ADGRL3: variants seen among roughly 807,000 people sequenced by gnomAD.
The protein encoded by ADGRL3 is adhesion G protein-coupled receptor L3, also known as calcium-independent alpha-latrotoxin receptor 3.
A neutral mutation model predicts 153.5 loss-of-function variants in ADGRL3; 62 were observed. That is an observed-to-expected ratio of 0.40 (90% CI 0.33 to 0.50). ADGRL3 has a LOEUF of 0.50. Ranked by LOEUF, ADGRL3 falls within the 20% of genes least tolerant of loss-of-function variation. The pLI, the probability that ADGRL3 is intolerant of heterozygous loss-of-function variation, is 0.47. For missense variants in ADGRL3, 1,641 were observed against 1,859.4 expected, an observed-to-expected ratio of 0.88 and a Z score of 2.16; for synonymous variants, 710 against 672.5, an observed-to-expected ratio of 1.06 and a Z score of -0.86.
intron 21 of ADGRL3, among the ~76,000 whole-genome samples, chr4:62,025,920 T>C (rs911345243): frequency 6.6e-6 from 1 of 152,142 alleles, no homozygotes. Context: ...GTGGATCTGC[T>C]TTTTCAAATT....
intron 13 of ADGRL3, 82 bp from the exon 14 acceptor site, chr4:61,934,758 G>T (rs2098831240): frequency 1.2e-5 from 13 of 1,064,008 alleles, no homozygotes; most frequent in Admixed American, 2.0e-5. Context: ...ATCCTTGCTT[G>T]CTGGGCAACA....
At chr4:61,705,751 C>T (rs1179007324) in intron 6 of ADGRL3, among the ~76,000 whole-genome samples, 1 of 152,198 alleles carries the variant, frequency 6.6e-6, no homozygotes, top group African/African-American at 2.4e-5. Context: ...CGCGCTCCCT[C>T]CTTGGCCACC....
chr4:61,230,965 C>G (rs1750372358), intron 1 of ADGRL3, among the ~76,000 whole-genome samples: 1 of 152,178 alleles, frequency 6.6e-6, no homozygotes, highest in African/African-American at 2.4e-5. Flanking sequence ...GTGCAAGCAT[C>G]TAGTCCAAGC....
chr4:61,347,098 G>T (rs2095932411), intron 1 of ADGRL3, among the ~76,000 whole-genome samples: 1 of 151,980 alleles, frequency 6.6e-6, no homozygotes, highest in African/African-American at 2.4e-5. Context: ...AACTTTCCTA[G>T]CACCTTAAAT....
At chr4:61,938,109 A>T (rs192310484) in intron 15 of ADGRL3, among the ~76,000 whole-genome samples, 87 of 152,204 alleles carry the variant, frequency 5.7e-4, no homozygotes, top group Non-Finnish European at 1.0e-3. Flanking sequence ...TTTGGAGCAG[A>T]GAATATGAAA....
rs34246405 is a variant in ADGRL3 at position 61,947,020 on chromosome 4, T to C, written c.2526T>C (p.Ser842=). 206 of 1,613,824 alleles carry C rather than the reference T, an allele frequency of 1.3e-4. No individual in the cohort carries two copies. The African/African-American group carries it at 2.3e-3, about 18-fold the overall frequency. Residue 842 remains serine (S), a synonymous_variant, in exon 16 of 27, where the codon TCT becomes TCC. Coordinates refer to ENST00000683033, the MANE Select transcript of ADGRL3 (RefSeq NM_001387552.1). ...LGTEALSTNH[S]VIVNSPVITA... is the part of the protein sequence containing the mutation. Reference sequence around the variant, plus strand: ...CGGAAGCTTTGTCCACAAATCATTCTGTTATTGTCAATTCCCCTGTTATTA... The same window carrying C: ...CGGAAGCTTTGTCCACAAATCATTCCGTTATTGTCAATTCCCCTGTTATTA...
At chr4:61,312,190 G>A (rs1356210224) in intron 1 of ADGRL3, among the ~76,000 whole-genome samples, 1 of 152,042 alleles carries the variant, frequency 6.6e-6, no homozygotes, top group Non-Finnish European at 1.5e-5. Flanking sequence ...TTTAACAGCT[G>A]GTGCTGCAAT....
chr4:61,675,632 G>T (rs2095162218), intron 5 of ADGRL3, among the ~76,000 whole-genome samples: 2 of 91,070 alleles, frequency 2.2e-5, no homozygotes, highest in African/African-American at 3.5e-5. Context: ...TTTTTCCTAT[G>T]GCTTAGAAAG....
chr4:61,418,519 C>CT (rs201919197), intron 2 of ADGRL3, among the ~76,000 whole-genome samples: 1,468 of 146,490 alleles, frequency 0.01, 19 homozygotes, highest in Middle Eastern at 0.017. Context: ...GTGCCTTTGT[C>CT]TTTTTGCAGT....
intron 5 of ADGRL3, among the ~76,000 whole-genome samples, chr4:61,655,399 T>C (rs1231861663): frequency 6.6e-6 from 1 of 152,152 alleles, no homozygotes; most frequent in Non-Finnish European, 1.5e-5. Flanking sequence ...AAAGTATATA[T>C]ATAAATTTTT....
chr4:62,070,676 G>A lies in ADGRL3; in HGVS notation c.4400G>A (p.Ser1467Asn). Residue 1467 changes from serine (S) to asparagine (N), a missense_variant, in exon 27 of 27, where the codon AGT becomes AAT. Physicochemically the swap from Ser to Asn is conservative, Grantham distance 46. Coordinates refer to ENST00000683033, the MANE Select transcript of ADGRL3 (RefSeq NM_001387552.1). ...CTGGCTGGTGTGGCCGCCACAGAGA[G>A]TGTTACCACCAGCACCCAGACCGAA... is the stretch of plus-strand genomic sequence containing the variant. ...PTLAGVAATE[S>N]VTTSTQTEPP... The A allele has an allele frequency of 6.4e-7, 1 of 1,551,542 alleles. No individual in the cohort carries two copies.
At chr4:61,872,923 A>C (rs1251828896) in intron 9 of ADGRL3, among the ~76,000 whole-genome samples, 1 of 152,214 alleles carries the variant, frequency 6.6e-6, no homozygotes, top group African/African-American at 2.4e-5. Context: ...TTTATCGACC[A>C]ATAAAGAAAT....
chr4:61,631,463 C>T (rs1308737742), intron 5 of ADGRL3, among the ~76,000 whole-genome samples: 3 of 152,292 alleles, frequency 2.0e-5, no homozygotes, highest in Middle Eastern at 3.4e-3. Context: ...CCCTTTTCAT[C>T]ATAAAGTACC....
intron 1 of ADGRL3, among the ~76,000 whole-genome samples, chr4:61,281,190 T>A (rs1487293025): frequency 2.0e-5 from 1 of 50,410 alleles, no homozygotes; most frequent in Non-Finnish European, 4.7e-5. Context: ...AGGTAATAGT[T>A]TTTTTTTAAG....
At chr4:61,757,202 C>T (rs958102304) in intron 8 of ADGRL3, among the ~76,000 whole-genome samples, 9 of 152,124 alleles carry the variant, frequency 5.9e-5, no homozygotes, top group Admixed American at 2.0e-4. Flanking sequence ...ATGGTACCAG[C>T]TCCTCCTTGT....
chr4:61,300,955 G>A (rs2094564643), intron 1 of ADGRL3, among the ~76,000 whole-genome samples: 1 of 151,936 alleles, frequency 6.6e-6, no homozygotes, highest in Admixed American at 6.6e-5. Flanking sequence ...AGTAGAGACG[G>A]GGTTTCACCA....
At chr4:61,900,428 A>T (rs2098658067) in intron 11 of ADGRL3, among the ~76,000 whole-genome samples, 1 of 152,234 alleles carries the variant, frequency 6.6e-6, no homozygotes, top group Non-Finnish European at 1.5e-5. Context: ...TCTGTGTGAC[A>T]CTAAAGAGTG....
At chr4:61,930,496 G>A (rs1454915615) in intron 13 of ADGRL3, among the ~76,000 whole-genome samples, 1 of 152,064 alleles carries the variant, frequency 6.6e-6, no homozygotes, top group Admixed American at 6.6e-5. Flanking sequence ...AAAGGTTTTT[G>A]CAGTAGTTAT....
chr4:61,717,361 G>A (rs1327832300), intron 6 of ADGRL3, among the ~76,000 whole-genome samples: 2 of 151,966 alleles, frequency 1.3e-5, no homozygotes, highest in African/African-American at 4.8e-5. Context: ...CATTTCCTGG[G>A]TGAGAAAAAA....
Sources: allele counts gnomAD v4.1 joint callset (sites outside exome capture counted in the v4.1 genomes callset), GRCh38; gene constraint gnomAD v4.1.1; transcripts MANE v1.5; gene names NCBI Gene and HGNC (gene_info 2026-07-23, HGNC 2026-07-21).